Variants in ZGRF1 observed in about 807,000 individuals in gnomAD.
ZGRF1 encodes the protein 5'-3' DNA helicase ZGRF1.
Under a neutral mutation model 203.5 loss-of-function variants are expected in ZGRF1, and 196 were observed. The ratio of observed to expected loss-of-function variants is 0.96; its 90% confidence interval spans 0.86 to 1.08. ZGRF1 has a LOEUF of 1.08. Among genes scored for constraint, ZGRF1 ranks in the 50% least tolerant of loss-of-function variants. The pLI is 0.00. For missense variants in ZGRF1, 2,326 were observed against 2,416.3 expected, an observed-to-expected ratio of 0.96 and a Z score of 0.78; for synonymous variants, 809 against 841.3, an observed-to-expected ratio of 0.96 and a Z score of 0.66.
chr4:112,583,025 C>A (rs951693052), intron 15 of ZGRF1, among the ~76,000 whole-genome samples: 1 of 152,152 alleles, frequency 6.6e-6, no homozygotes, highest in Non-Finnish European at 1.5e-5. Flanking sequence ...ATTGCTGGAT[C>A]ATATGATAGT....
At chr4:112,570,084 A>G (rs1418357596) in intron 16 of ZGRF1, among the ~76,000 whole-genome samples, 1 of 152,208 alleles carries the variant, frequency 6.6e-6, no homozygotes, top group Non-Finnish European at 1.5e-5. Flanking sequence ...GGAAGTTTGC[A>G]ACTCATCTCC....
At chr4:112,575,357 G>A (rs1744966499) in intron 16 of ZGRF1, among the ~76,000 whole-genome samples, 1 of 152,190 alleles carries the variant, frequency 6.6e-6, no homozygotes, top group African/African-American at 2.4e-5. Context: ...GAGCAATGCA[G>A]AAGACGGGTG....
At position 112,633,243 on chromosome 4, in the gene ZGRF1, C is replaced by A; in HGVS notation, c.-66-1G>T. The A allele has an allele frequency of 1.6e-6, 2 of 1,242,612 alleles. No homozygotes were observed. The highest frequency in any genetic ancestry group is 2.3e-6 in the Non-Finnish European group (2 of 873,698). 77.0% of individuals were successfully genotyped at this position (1,242,612 alleles called of 1,614,324 possible). A position where few individuals can be genotyped will look rare whatever the true frequency, so the allele number is the denominator to read the frequency against. ...GGAAATATTCAACTATTTATACCAC[C>A]TAAAATTAAAAATGACATAAAATTT... On this transcript the variant is annotated splice_acceptor_variant, in intron 1 of 27. Transcript: ENST00000505019. LOFTEE classifies it low-confidence loss of function (5UTR_SPLICE).
intron 16 of ZGRF1, among the ~76,000 whole-genome samples, chr4:112,570,137 T>C: frequency 6.6e-6 from 1 of 152,134 alleles, no homozygotes; most frequent in East Asian, 1.9e-4. Flanking sequence ...AGCAAGACTA[T>C]ATAGAAGATC....
chr4:112,613,562 A>G (rs533090538), intron 6 of ZGRF1, among the ~76,000 whole-genome samples: 1 of 152,358 alleles, frequency 6.6e-6, no homozygotes, highest in South Asian at 2.1e-4. Flanking sequence ...GTGATATGAT[A>G]CAGAACGATT....
chr4:112,586,869 G>A (rs552707847), intron 12 of ZGRF1, among the ~76,000 whole-genome samples: 6 of 152,078 alleles, frequency 3.9e-5, no homozygotes, highest in African/African-American at 9.6e-5. Context: ...GGATCATTAC[G>A]TATCTTTATT....
chr4:112,591,430 A>C (rs939673917), intron 10 of ZGRF1, among the ~76,000 whole-genome samples: 3 of 152,194 alleles, frequency 2.0e-5, no homozygotes, highest in African/African-American at 7.2e-5. Flanking sequence ...AACTTGCCAG[A>C]GTACTTTCTA....
chr4:112,634,310 G>C (rs1421935144), intron 1 of ZGRF1, among the ~76,000 whole-genome samples: 1 of 152,086 alleles, frequency 6.6e-6, no homozygotes, highest in Non-Finnish European at 1.5e-5. Context: ...CTTCAAGGAA[G>C]TAAAGTCTAA....
In ZGRF1 at chr4:112,578,431, C is replaced by A. The variant is rs1578339517; in HGVS notation, c.4438+3232G>T. 2.6e-5 allele frequency among the ~76,000 whole-genome samples: 3 copies of A among 115,740 alleles called. 1 individual carries two copies. Among genetic ancestry groups the A allele is most frequent in the Non-Finnish European group, 3.9e-5 (2 of 51,358 alleles). 75.9% of individuals were successfully genotyped at this position (115,740 alleles called of 152,430 possible). ...AGAAATAACTAAGATCAGAGCAGAACTGAAGGAAATAGAGACACAAAAAAC... is the reference window on the plus strand; with the variant it reads ...AGAAATAACTAAGATCAGAGCAGAAATGAAGGAAATAGAGACACAAAAAAC... On this transcript the variant is annotated intron_variant, in intron 16 of 27. Coordinates refer to ENST00000505019, the MANE Select transcript of ZGRF1 (RefSeq NM_018392.5).
chr4:112,588,883 G>C (rs1280954102), intron 11 of ZGRF1, among the ~76,000 whole-genome samples: 1 of 152,104 alleles, frequency 6.6e-6, no homozygotes, highest in African/African-American at 2.4e-5. Context: ...AAAGTTAAAA[G>C]TCCATTAAAG....
At chr4:112,631,596 C>T (rs376025359) in intron 3 of ZGRF1, among the ~76,000 whole-genome samples, 5 of 151,918 alleles carry the variant, frequency 3.3e-5, no homozygotes, top group East Asian at 1.9e-4. Context: ...CGTTTGAACC[C>T]GGGAGGCAGA....
intron 13 of ZGRF1, 139 bp downstream of exon 13, chr4:112,586,306 A>C (rs1235965243): frequency 1.6e-6 from 1 of 612,390 alleles, no homozygotes; most frequent in East Asian, 3.2e-5. Context: ...ATTAGAATAA[A>C]AGTTACTGTC....
chr4:112,554,065 T>A lies in ZGRF1; in HGVS notation c.5199-83A>T, dbSNP rs185475286. 15 of 1,266,104 alleles carry A rather than the reference T, an allele frequency of 1.2e-5. No homozygotes were observed. In the Admixed American group the frequency reaches 3.5e-4, roughly 30 times the overall value. The allele number at this position is 1,266,104 out of a possible 1,614,324, so 78.4% of individuals were successfully genotyped here. On this transcript the variant is annotated intron_variant, in intron 21 of 27. Coordinates refer to ENST00000505019, the MANE Select transcript of ZGRF1 (RefSeq NM_018392.5). ...AGCAAAATATAGATTTTCTTTTTTTTATTATACTTTAAGTTTTAGGGTACA... is the reference window on the plus strand; with the variant it reads ...AGCAAAATATAGATTTTCTTTTTTTAATTATACTTTAAGTTTTAGGGTACA...
At chr4:112,615,415 G>A (rs2149141622) in intron 6 of ZGRF1, among the ~76,000 whole-genome samples, 1 of 151,858 alleles carries the variant, frequency 6.6e-6, no homozygotes, top group African/African-American at 2.4e-5. Flanking sequence ...TTAGAGATGG[G>A]GTTTCACCAT....
At chr4:112,584,522 A>G (rs1258400321) in intron 14 of ZGRF1, among the ~76,000 whole-genome samples, 1 of 152,196 alleles carries the variant, frequency 6.6e-6, no homozygotes, top group Non-Finnish European at 1.5e-5. Flanking sequence ...GTAAGTACAC[A>G]CACACCACAA....
chr4:112,619,626 G>A lies in ZGRF1; in HGVS notation c.416C>T (p.Ala139Val). 1 of 1,613,648 alleles carries A rather than the reference G, an allele frequency of 6.2e-7. No individual in the cohort carries two copies. The highest frequency in any genetic ancestry group is 1.1e-5 in the South Asian group (1 of 90,940). ...MVIMESGESA[A>V]SHEAKKTGPT... The stretch of plus-strand genomic sequence containing the variant: ...GCCAGTTTTCTTAGCCTCATGTGAT[G>A]CAGCTGATTCACCACTTTCCATAAT... The change falls in exon 6 of 28, where the codon GCA becomes GTA. Residue 139 changes from alanine to valine, a missense_variant. Coordinates refer to ENST00000505019, the MANE Select transcript of ZGRF1 (RefSeq NM_018392.5).
At chr4:112,625,597 A>G (rs901229037) in intron 3 of ZGRF1, among the ~76,000 whole-genome samples, 19 of 147,800 alleles carry the variant, frequency 1.3e-4, no homozygotes, top group Non-Finnish European at 1.9e-4. Context: ...AAAAAAAAAA[A>G]AAAAGAAAAG....
intron 9 of ZGRF1, among the ~76,000 whole-genome samples, chr4:112,604,388 T>C (rs2149099132): frequency 6.6e-6 from 1 of 152,316 alleles, no homozygotes; most frequent in African/African-American, 2.4e-5. Context: ...ATGCATTACA[T>C]ACAATACTAT....
chr4:112,587,558 T>G lies in ZGRF1; in HGVS notation c.3499A>C (p.Ile1167Leu). 1 of 1,613,958 alleles carries G rather than the reference T, an allele frequency of 6.2e-7. No homozygotes were observed. Among genetic ancestry groups the G allele is most frequent in the Non-Finnish European group, 8.5e-7 (1 of 1,179,860 alleles). ...GCCTCAGCAAAGAAGCCATCAGTTA[T>G]TCTCTTATCAACTCTGTTTGGAGTA... ...VATPNRVDKR[I>L]TDGFFAEAVS... is the part of the protein sequence containing the mutation. Residue 1167 changes from isoleucine (I) to leucine (L), a missense_variant, in exon 12 of 28, where the codon ATA (isoleucine) becomes CTA (leucine). Ile to Leu is a conservative substitution (Grantham distance 5). Transcript: ENST00000505019.
Sources: allele counts gnomAD v4.1 joint callset (sites outside exome capture counted in the v4.1 genomes callset), GRCh38; gene constraint gnomAD v4.1.1; transcripts MANE v1.5; gene names NCBI Gene and HGNC (gene_info 2026-07-23, HGNC 2026-07-21).